AGFG2: variants seen among roughly 807,000 people sequenced by gnomAD.
AGFG2 encodes ArfGAP with FG repeats 2.
AGFG2 carries 31 observed loss-of-function variants against 48.0 expected under a neutral mutation model. The ratio of observed to expected loss-of-function variants is 0.65; its 90% confidence interval spans 0.49 to 0.87. AGFG2 has a LOEUF of 0.87. AGFG2 is among the 40% of genes least tolerant of loss of function. AGFG2 has a pLI of 0.00. For synonymous variants in AGFG2, 229 were observed against 260.8 expected (o/e 0.88, Z 1.18); for missense variants, 599 against 632.6 (o/e 0.95, Z 0.57).
chr7:100,550,389 C>A lies in AGFG2; in HGVS notation c.316-7C>A, dbSNP rs367548306. 1.3e-6 allele frequency: 2 copies of A among 1,545,506 alleles called. No individual in the cohort carries two copies. Among genetic ancestry groups the A allele is most frequent in the Non-Finnish European group, 1.8e-6 (2 of 1,137,812 alleles). On this transcript the variant is annotated splice_polypyrimidine_tract_variant and splice_region_variant and intron_variant, in intron 2 of 11. Transcript: ENST00000300176. ...CTCCCACTCCTCTGACACCTTCATT[C>A]TTTTAGGTTTGCCGGAAGATTTGGT...
chr7:100,554,285 C>A, intron 5 of AGFG2, 27 bp downstream of exon 5: 1 of 1,600,256 alleles, frequency 6.2e-7, no homozygotes, highest in Non-Finnish European at 8.5e-7. Flanking sequence ...ATGGGACCCT[C>A]CCTACAGCGT....
At chr7:100,542,558 T>C (rs977150166) in intron 1 of AGFG2, among the ~76,000 whole-genome samples, 1 of 152,186 alleles carries the variant, frequency 6.6e-6, no homozygotes, top group Non-Finnish European at 1.5e-5. Context: ...TCCCTATAAT[T>C]AGCATGACAA....
At chr7:100,547,087 C>A (rs1562790323) in intron 1 of AGFG2, among the ~76,000 whole-genome samples, 1 of 152,130 alleles carries the variant, frequency 6.6e-6, no homozygotes, top group East Asian at 1.9e-4. Flanking sequence ...TTGTTAAAAT[C>A]CCATAATGAG....
chr7:100,560,268 T>A (rs1800838195), intron 6 of AGFG2, among the ~76,000 whole-genome samples: 1 of 152,096 alleles, frequency 6.6e-6, no homozygotes, highest in Admixed American at 6.5e-5. Flanking sequence ...AATCTTCCTC[T>A]TCCAGGTTCA....
At chr7:100,564,124 T>C (rs1800945433) in intron 10 of AGFG2, 94 bp from the exon 11 acceptor site, 2 of 1,535,696 alleles carry the variant, frequency 1.3e-6, no homozygotes, top group East Asian at 2.3e-5. Context: ...CACTGCTCTG[T>C]TCCCTTACTC....
chr7:100,542,972 G>A (rs1046122233), intron 1 of AGFG2, among the ~76,000 whole-genome samples: 4 of 152,280 alleles, frequency 2.6e-5, no homozygotes, highest in South Asian at 2.1e-4. Flanking sequence ...TAAAGAAATC[G>A]TTCTGTATTG....
rs1359318353 is a variant in AGFG2 at position 100,539,234 on chromosome 7, C to G, written c.-113C>G. The G allele has an allele frequency of 9.8e-6, 11 of 1,118,544 alleles. No homozygotes were observed. Among genetic ancestry groups the G allele is most frequent in the Non-Finnish European group, 1.1e-5 (10 of 873,572 alleles). The allele number at this position is 1,118,544 out of a possible 1,614,324, so 69.3% of individuals were successfully genotyped here. The stretch of plus-strand genomic sequence containing the variant: ...CGGCGAAGTCTCCTGCGGATGCCGC[C>G]CGCTCCCGAGCTTCTGTCAGGGGAG... On this transcript the variant is annotated 5_prime_UTR_variant, in exon 1 of 12. Transcript: ENST00000300176.
Position 100,563,965 on chromosome 7 carries a change from A to G in AGFG2, c.1300+3A>G, listed in dbSNP as rs1746981531. On this transcript the variant is annotated splice_donor_region_variant and intron_variant, in intron 10 of 11. Coordinates refer to ENST00000300176, the MANE Select transcript of AGFG2 (RefSeq NM_006076.5). Reference sequence around the variant, plus strand: ...CCCGCTTGTTCAGCAGCAGAATGGTAAGAGCTGTAGATGGACAAACCCTTT... The same window carrying G: ...CCCGCTTGTTCAGCAGCAGAATGGTGAGAGCTGTAGATGGACAAACCCTTT... The G allele has an allele frequency of 6.2e-7, 1 of 1,606,348 alleles. No individual in the cohort carries two copies. The highest frequency in any genetic ancestry group is 8.5e-7 in the Non-Finnish European group (1 of 1,179,968).
chr7:100,547,981 G>A (rs913406710), intron 1 of AGFG2, among the ~76,000 whole-genome samples: 3 of 152,158 alleles, frequency 2.0e-5, no homozygotes, highest in Non-Finnish European at 4.4e-5. Context: ...TCCTGTTTTT[G>A]TTAGTGTTAT....
At chr7:100,540,558 C>T (rs925741053) in intron 1 of AGFG2, among the ~76,000 whole-genome samples, 9 of 152,154 alleles carry the variant, frequency 5.9e-5, no homozygotes, top group African/African-American at 2.2e-4. Flanking sequence ...CTCCCCTCTG[C>T]ACTCCTCCTA....
chr7:100,540,311 T>C (rs1470206754), intron 1 of AGFG2, among the ~76,000 whole-genome samples: 1 of 152,122 alleles, frequency 6.6e-6, no homozygotes, highest in East Asian at 1.9e-4. Flanking sequence ...GCTTAGCTTT[T>C]TCAAACGTTT....
At position 100,548,906 on chromosome 7, in the gene AGFG2, T is replaced by A. The variant is rs751431920; in HGVS notation, c.306T>A (p.Arg102=). ...TEPEVVFLQS[R]GNEVCRKIWL... ...CTGAAGTAGTATTCCTGCAATCCCG[T>A]GGAAATGAGGTGAGCTGCCACCGAT... Residue 102 remains arginine, a synonymous_variant, in exon 2 of 12, where the codon CGT becomes CGA. Coordinates refer to ENST00000300176, the MANE Select transcript of AGFG2 (RefSeq NM_006076.5). 6.2e-7 allele frequency: 1 copy of A among 1,613,262 alleles called. No individual in the cohort carries two copies. Among genetic ancestry groups the A allele is most frequent in the South Asian group, 1.1e-5 (1 of 91,050 alleles).
rs774524509 is a variant in AGFG2, at chr7:100,539,530, G to A, written c.184G>A (p.Val62Met). The A allele has an allele frequency of 1.2e-5, 16 of 1,282,880 alleles. No homozygotes were observed. The highest frequency in any genetic ancestry group is 1.5e-5 in the Non-Finnish European group (15 of 1,006,498). The allele number at this position is 1,282,880 out of a possible 1,614,324, so 79.5% of individuals were successfully genotyped here. The change falls in exon 1 of 12, where the codon GTG (valine) becomes ATG (methionine). Residue 62 changes from valine to methionine, a missense_variant. Transcript: ENST00000300176. ...QRGVTYVDIT[V>M]GSFVCTTCSG... The stretch of plus-strand genomic sequence containing the variant: ...CGGGGTCACCTACGTGGATATCACC[G>A]TGGGCAGCTTCGTGTGCACCACCTG...
At chr7:100,546,865 TC>T (rs1800520547) in intron 1 of AGFG2, among the ~76,000 whole-genome samples, 1 of 152,212 alleles carries the variant, frequency 6.6e-6, no homozygotes, top group Admixed American at 6.5e-5. Context: ...AAGACAGTCT[TC>T]GGGGCAGACC....
chr7:100,543,164 A>G (rs566538972), intron 1 of AGFG2, among the ~76,000 whole-genome samples: 2 of 152,128 alleles, frequency 1.3e-5, no homozygotes, highest in Non-Finnish European at 2.9e-5. Flanking sequence ...CCTGGTTTCA[A>G]GCGATTCTCC....
At chr7:100,550,863 ATT>A (rs200926772) in intron 3 of AGFG2, among the ~76,000 whole-genome samples, 11 of 133,912 alleles carry the variant, frequency 8.2e-5, no homozygotes, top group Admixed American at 1.5e-4. Flanking sequence ...TCATTTTATG[ATT>A]TTTTTTTTTT....
chr7:100,555,920 G>C, intron 6 of AGFG2, 185 bp downstream of exon 6: 1 of 741,808 alleles, frequency 1.3e-6, no homozygotes, highest in East Asian at 2.9e-5. Flanking sequence ...GGGCTCTACT[G>C]TTCTGCTTTT....
chr7:100,551,480 C>T (rs1296454592), intron 3 of AGFG2, among the ~76,000 whole-genome samples: 2 of 151,624 alleles, frequency 1.3e-5, no homozygotes, highest in Admixed American at 6.6e-5. Context: ...GCTGGGATTA[C>T]AGGCGTGAGC....
intron 1 of AGFG2, among the ~76,000 whole-genome samples, chr7:100,541,591 A>T (rs1800422286): frequency 6.6e-6 from 1 of 151,966 alleles, no homozygotes; most frequent in African/African-American, 2.4e-5. Flanking sequence ...GCGAAATCTC[A>T]TCTCTTACTA....
Sources: gnomAD v4.1 joint callset for allele counts (sites outside exome capture counted in the v4.1 genomes callset) on GRCh38, gnomAD v4.1.1 for gene constraint, MANE v1.5 for transcripts, NCBI Gene and HGNC (gene_info 2026-07-23, HGNC 2026-07-21) for gene names.